Variants in TMEM213 observed in about 807,000 individuals in gnomAD.
The protein encoded by TMEM213 is transmembrane protein 213.
Under a neutral mutation model 11.6 loss-of-function variants are expected in TMEM213, and 7 were observed. The ratio of observed to expected loss-of-function variants is 0.60; its 90% confidence interval spans 0.34 to 1.13. The LOEUF is 1.13. TMEM213 is among the 50% of genes most tolerant of loss of function. TMEM213 has a pLI of 0.03. For missense variants in TMEM213, 129 were observed against 139.0 expected (o/e 0.93, Z 0.36); for synonymous variants, 60 against 58.3 (o/e 1.03, Z -0.13).
In TMEM213 at chr7:138,803,169, A is replaced by G. The variant is rs1584965018; in HGVS notation, c.*100A>G. Reference sequence around the variant, plus strand: ...GGTTTCTATTATTTAAGTCATTTTCACCTTTAAGCTTCAGTTACTTTTACA... The same window carrying G: ...GGTTTCTATTATTTAAGTCATTTTCGCCTTTAAGCTTCAGTTACTTTTACA... On this transcript the variant is annotated 3_prime_UTR_variant, in exon 3 of 3. Transcript: ENST00000442682. The G allele has an allele frequency of 1.5e-6, 2 of 1,375,284 alleles. No homozygotes were observed. The highest frequency in any genetic ancestry group is 2.0e-6 in the Non-Finnish European group (2 of 1,016,876). The allele number at this position is 1,375,284 out of a possible 1,614,324, so 85.2% of individuals were successfully genotyped here. A position where few individuals can be genotyped will look rare whatever the true frequency, so the allele number is the denominator to read the frequency against.
At chr7:138,799,978 G>C (rs1428628369) in intron 1 of TMEM213, among the ~76,000 whole-genome samples, 2 of 151,964 alleles carry the variant, frequency 1.3e-5, no homozygotes, top group African/African-American at 4.8e-5. Context: ...GGAACCTTGA[G>C]AGTTTCCATG....
chr7:138,799,471 G>T (rs1306594738), intron 1 of TMEM213: 2 of 152,112 alleles, frequency 1.3e-5, no homozygotes, highest in East Asian at 3.9e-4. Context: ...GGAGGAGGGC[G>T]ATGTTTAAAT....
chr7:138,802,412 G>A (rs561920767), intron 2 of TMEM213, among the ~76,000 whole-genome samples: 4 of 152,166 alleles, frequency 2.6e-5, no homozygotes, highest in African/African-American at 9.6e-5. Context: ...TTAGCTGGGT[G>A]TGGTGGTGCG....
At position 138,802,556 on chromosome 7, in the gene TMEM213, G is replaced by GAAAA. The variant is rs11424575; in HGVS notation, c.155-333_155-330dup. ...ACAGAGTGAGACTCTGTCTCAAAAAGAAAAAAAAAAAAAAGGAAGGGGTAT... is the reference window on the plus strand; with the variant it reads ...ACAGAGTGAGACTCTGTCTCAAAAAGAAAAAAAAAAAAAAAAAAGGAAGGGGTAT... On this transcript the variant is annotated intron_variant, in intron 2 of 2. Coordinates refer to ENST00000442682, the MANE Select transcript of TMEM213 (RefSeq NM_001085429.2). 7.3e-3 allele frequency among the ~76,000 whole-genome samples: 1,033 copies of GAAAA among 141,110 alleles called. 10 individuals are homozygous for GAAAA. The highest frequency in any genetic ancestry group is 0.025 in the African/African-American group (935 of 37,252). The allele number at this position is 141,110 out of a possible 152,430, so 92.6% of individuals were successfully genotyped here. A position where few individuals can be genotyped will look rare whatever the true frequency, so the allele number is the denominator to read the frequency against.
intron 1 of TMEM213, among the ~76,000 whole-genome samples, chr7:138,801,099 C>T (rs1432207835): frequency 6.6e-6 from 1 of 152,118 alleles, no homozygotes; most frequent in Non-Finnish European, 1.5e-5. Flanking sequence ...TCTCCAAATA[C>T]AATCACATTG....
Position 138,803,000 on chromosome 7 carries a change from C to A in TMEM213, c.255C>A (p.Thr85=). 1 of 1,613,772 alleles carries A rather than the reference C, an allele frequency of 6.2e-7. No homozygotes were observed. The highest frequency in any genetic ancestry group is 8.5e-7 in the Non-Finnish European group (1 of 1,179,876). The change falls in exon 3 of 3, where the codon ACC becomes ACA. Residue 85 remains threonine (T), a synonymous_variant. Coordinates refer to ENST00000442682, the MANE Select transcript of TMEM213 (RefSeq NM_001085429.2). ...AAVGWSLWFL[T]LILLCVDKLM... ...TTGGCTGGAGCCTCTGGTTCCTCAC[C>A]CTCATCCTGCTCTGTGTGGACAAAC...
At position 138,798,161 on chromosome 7, in the gene TMEM213, C is replaced by T. The variant is rs373396667; in HGVS notation, c.57C>T (p.Ala19=). 461 of 1,598,628 alleles carry T rather than the reference C, an allele frequency of 2.9e-4. No homozygotes were observed. Among genetic ancestry groups the T allele is most frequent in the Non-Finnish European group, 3.6e-4 (419 of 1,173,138 alleles). The change falls in exon 1 of 3, where the codon GCC becomes GCT. Residue 19 remains alanine, a synonymous_variant. Transcript: ENST00000442682. ...RATLILSLAF[A]SLHSACSAEA... ...CCCTGATCCTCAGCCTGGCCTTTGCCTCCCTCCACTCGGCTTGCTCGGCAG... is the reference window on the plus strand; with the variant it reads ...CCCTGATCCTCAGCCTGGCCTTTGCTTCCCTCCACTCGGCTTGCTCGGCAG...
chr7:138,800,863 C>A (rs1808919446), intron 1 of TMEM213, among the ~76,000 whole-genome samples: 1 of 152,020 alleles, frequency 6.6e-6, no homozygotes, highest in Non-Finnish European at 1.5e-5. Flanking sequence ...CCACGCCCGG[C>A]TGCTTTTGTA....
At position 138,803,098 on chromosome 7, in the gene TMEM213, T is replaced by C. The variant is rs772014877; in HGVS notation, c.*29T>C. The C allele has an allele frequency of 3.1e-6, 5 of 1,605,430 alleles. No homozygotes were observed. The highest frequency in any genetic ancestry group is 1.3e-5 in the African/African-American group (1 of 74,918). ...CCAGGCTCGGTGCACAAAATGGTGA[T>C]CGCCACCAATTTGTGGCTAATGGGG... On this transcript the variant is annotated 3_prime_UTR_variant, in exon 3 of 3. Coordinates refer to ENST00000442682, the MANE Select transcript of TMEM213 (RefSeq NM_001085429.2).
chr7:138,803,202 GAAGA>G lies in TMEM213; in HGVS notation c.*138_*141del, dbSNP rs1809004029. The G allele has an allele frequency of 2.5e-6, 3 of 1,215,824 alleles. No homozygotes were observed. In the South Asian group the frequency reaches 4.5e-5, roughly 18 times the overall value. The allele number at this position is 1,215,824 out of a possible 1,614,324, so 75.3% of individuals were successfully genotyped here. On this transcript the variant is annotated 3_prime_UTR_variant, in exon 3 of 3. Coordinates refer to ENST00000442682, the MANE Select transcript of TMEM213 (RefSeq NM_001085429.2). Reference sequence around the variant, plus strand: ...GCTTCAGTTACTTTTACAAGGGAAAGAAGAAAGAGCGGGAGAACCAAATAAGGCA... The same window carrying G: ...GCTTCAGTTACTTTTACAAGGGAAAGAAGAGCGGGAGAACCAAATAAGGCA...
At position 138,798,111 on chromosome 7, in the gene TMEM213, C is replaced by T. The variant is rs1317649447; in HGVS notation, c.7C>T (p.Arg3Cys). The T allele has an allele frequency of 4.4e-6, 7 of 1,597,464 alleles. No homozygotes were observed. Among genetic ancestry groups the T allele is most frequent in the Admixed American group, 1.7e-5 (1 of 57,308 alleles). ...ACTCAGCACAGCCTCCAGCATGCAG[C>T]GCCTCCCCGCTGCCACCCGGGCCAC... is the stretch of plus-strand genomic sequence containing the variant. The part of the protein sequence containing the change: MQ[R>C]LPAATRATLI... The change falls in exon 1 of 3, where the codon CGC becomes TGC. Residue 3 changes from arginine (R) to cysteine (C), a missense_variant. Arg to Cys is a radical substitution (Grantham distance 180, BLOSUM62 -3). Transcript: ENST00000442682.
rs377276656 is a variant in TMEM213 at position 138,801,157 on chromosome 7, G to A, written c.83-170G>A. Among the ~76,000 whole-genome samples the A allele has an allele frequency of 3.3e-4, 50 of 152,232 alleles. No individual in the cohort carries two copies. The South Asian group carries it at 6.4e-3, about 20-fold the overall frequency. Reference sequence around the variant, plus strand: ...AACTTGGGAGAGGGGAACATAATTCGGTCCATAACAGGGAGTTAGCTTTGT... The same window carrying A: ...AACTTGGGAGAGGGGAACATAATTCAGTCCATAACAGGGAGTTAGCTTTGT... On this transcript the variant is annotated intron_variant, in intron 1 of 2. Transcript: ENST00000442682.
In TMEM213 at chr7:138,801,356, A is replaced by C. The variant is rs1465224128; in HGVS notation, c.112A>C (p.Thr38Pro). Reference sequence around the variant, plus strand: ...AAGCAGCAGCAACAGCTCAAGCTTGACCGCTCACCACCCAGACCCTGGGAC... The same window carrying C: ...AAGCAGCAGCAACAGCTCAAGCTTGCCCGCTCACCACCCAGACCCTGGGAC... ...EASSSNSSSL[T>P]AHHPDPGTLE... is the part of the protein sequence containing the mutation. The change falls in exon 2 of 3, where the codon ACC (threonine) becomes CCC (proline). Residue 38 changes from threonine (T) to proline (P), a missense_variant. Coordinates refer to ENST00000442682, the MANE Select transcript of TMEM213 (RefSeq NM_001085429.2). The C allele has an allele frequency of 6.2e-7, 1 of 1,611,610 alleles. No homozygotes were observed. Among genetic ancestry groups the C allele is most frequent in the African/African-American group, 1.3e-5 (1 of 74,880 alleles).
chr7:138,801,345 G>A lies in TMEM213; in HGVS notation c.101G>A (p.Ser34Asn), dbSNP rs1225858584. 1 of 1,612,230 alleles carries A rather than the reference G, an allele frequency of 6.2e-7. No homozygotes were observed. The highest frequency in any genetic ancestry group is 8.5e-7 in the Non-Finnish European group (1 of 1,179,242). ...ACSAEASSSN[S>N]SSLTAHHPDP... The stretch of plus-strand genomic sequence containing the variant: ...CTTCCAGAAGCAAGCAGCAGCAACA[G>A]CTCAAGCTTGACCGCTCACCACCCA... The change falls in exon 2 of 3, where the codon AGC becomes AAC. Residue 34 changes from serine (S) to asparagine (N), a missense_variant. Ser to Asn is a conservative substitution (Grantham distance 46). Transcript: ENST00000442682.
intron 1 of TMEM213, 147 bp downstream of exon 1, chr7:138,798,333 C>T (rs1268803953): frequency 8.3e-6 from 2 of 240,862 alleles, no homozygotes; most frequent in East Asian, 1.7e-4. Context: ...ACTTTCTCAT[C>T]TGAAGGATTA....
At chr7:138,801,686 G>A in intron 2 of TMEM213, 1 of 410,574 alleles carries the variant, frequency 2.4e-6, no homozygotes, top group Non-Finnish European at 4.4e-6. Flanking sequence ...AAGAAGTTTG[G>A]AGGTGGAAAG....
rs767750902 is a variant in TMEM213 at position 138,798,081 on chromosome 7, C to G, written c.-24C>G. The G allele has an allele frequency of 6.3e-7, 1 of 1,584,058 alleles. No homozygotes were observed. The highest frequency in any genetic ancestry group is 2.3e-5 in the East Asian group (1 of 43,204). On this transcript the variant is annotated 5_prime_UTR_variant, in exon 1 of 3. Coordinates refer to ENST00000442682, the MANE Select transcript of TMEM213 (RefSeq NM_001085429.2). Reference sequence around the variant, plus strand: ...CTCCGCAGGACCGGCTCACCTGCACCGGGCACTCAGCACAGCCTCCAGCAT... The same window carrying G: ...CTCCGCAGGACCGGCTCACCTGCACGGGGCACTCAGCACAGCCTCCAGCAT...
In TMEM213 at chr7:138,801,397, C is replaced by T. The variant is rs1327680585; in HGVS notation, c.153C>T (p.Leu51=). 1 of 1,606,444 alleles carries T rather than the reference C, an allele frequency of 6.2e-7. No individual in the cohort carries two copies. Among genetic ancestry groups the T allele is most frequent in the Non-Finnish European group, 8.5e-7 (1 of 1,176,610 alleles). ...HPDPGTLEQC[L]NVDFCPQAAR... ...ACCCTGGGACCCTGGAGCAGTGCCT[C>T]AGTAAGCTTCTCCTGCCAACTGCTC... Residue 51 remains leucine (L), a splice_region_variant and synonymous_variant, in exon 2 of 3, where the codon CTC becomes CTT. Transcript: ENST00000442682.
At position 138,806,619 on chromosome 7, in the gene TMEM213, G is replaced by A. The variant is rs527420960; in HGVS notation, c.*3550G>A. On this transcript the variant is annotated 3_prime_UTR_variant, in exon 3 of 3. Transcript: ENST00000442682. ...AAGCAACAGAACTTACCTAACTTTT[G>A]GACTTTTCATTTTAAAACTTTGCCT... 1 of 152,334 alleles carries A rather than the reference G, an allele frequency of 6.6e-6. No individual in the cohort carries two copies. The highest frequency in any genetic ancestry group is 2.4e-5 in the African/African-American group (1 of 41,584). 9.4% of individuals were successfully genotyped at this position (152,334 alleles called of 1,614,324 possible).
Sources: gnomAD v4.1 joint callset for allele counts (sites outside exome capture counted in the v4.1 genomes callset) on GRCh38, gnomAD v4.1.1 for gene constraint, MANE v1.5 for transcripts, NCBI Gene and HGNC (gene_info 2026-07-23, HGNC 2026-07-21) for gene names.